MSL1: variants seen among roughly 807,000 people sequenced by gnomAD.
MSL1 encodes the protein MSL complex subunit 1.
In MSL1, 21 loss-of-function variants were observed where a neutral mutation model predicts 64.6. The ratio of observed to expected loss-of-function variants is 0.33; its 90% CI spans 0.23 to 0.47. The LOEUF (loss-of-function observed/expected upper bound fraction) is 0.47. Among genes scored for constraint, MSL1 ranks in the 20% least tolerant of loss-of-function variants. MSL1 has a pLI of 1.00. For missense variants in MSL1, 664 were observed against 793.2 expected, an observed-to-expected ratio of 0.84 and a Z score of 1.96; for synonymous variants, 339 against 329.6, an observed-to-expected ratio of 1.03 and a Z score of -0.31.
In MSL1 at chr17:40,123,175, C is replaced by T; in HGVS notation, c.563C>T (p.Thr188Ile). 2 of 1,535,016 alleles carry T rather than the reference C, an allele frequency of 1.3e-6. No homozygotes were observed. Among genetic ancestry groups the T allele is most frequent in the Non-Finnish European group, 1.7e-6 (2 of 1,146,542 alleles). ...PGPPPLAPTA[T>I]AGTLAASEGR... ...CCGCCACCCCTCGCGCCCACCGCCACCGCCGGGACCCTGGCGGCCAGCGAG... is the reference window on the plus strand; with the variant it reads ...CCGCCACCCCTCGCGCCCACCGCCATCGCCGGGACCCTGGCGGCCAGCGAG... The change falls in exon 1 of 9, where the codon ACC (threonine) becomes ATC (isoleucine). Residue 188 changes from threonine (T) to isoleucine (I), a missense_variant. Physicochemically the swap from Thr to Ile is moderately conservative, Grantham distance 89. Transcript: ENST00000398532.
At position 40,134,462 on chromosome 17, in the gene MSL1, T is replaced by A; in HGVS notation, c.*93T>A. On this transcript the variant is annotated 3_prime_UTR_variant, in exon 9 of 9. Transcript: ENST00000398532. Reference sequence around the variant, plus strand: ...TATATGTGACCTTTGTCCTCACATATGTTATCACTCGCTGATAATACCCTT... The same window carrying A: ...TATATGTGACCTTTGTCCTCACATAAGTTATCACTCGCTGATAATACCCTT... The A allele has an allele frequency of 1.0e-6, 1 of 1,002,462 alleles. No individual in the cohort carries two copies. The highest frequency in any genetic ancestry group is 1.4e-5 in the South Asian group (1 of 70,774). 62.1% of individuals were successfully genotyped at this position (1,002,462 alleles called of 1,614,324 possible).
In MSL1 at chr17:40,129,357, T is replaced by G; in HGVS notation, c.1105T>G (p.Cys369Gly). The G allele has an allele frequency of 2.5e-6, 4 of 1,613,342 alleles. No individual in the cohort carries two copies. Among genetic ancestry groups the G allele is most frequent in the Non-Finnish European group, 3.4e-6 (4 of 1,179,724 alleles). ...PKHSPIKEEP[C>G]GSLSETVCKR... ...GCACTCTCCTATTAAAGAGGAACCC[T>G]GTGGTTCCTTATCTGAAACTGTTTG... Residue 369 changes from cysteine to glycine, a missense_variant, in exon 3 of 9, where the codon TGT (cysteine) becomes GGT (glycine). This residue lies in a region of MSL1 where 466 missense variants were observed against 499.0 expected (regional missense o/e 0.93). Transcript: ENST00000398532.
In MSL1 at chr17:40,122,822, C is replaced by G. The variant is rs937569058; in HGVS notation, c.210C>G (p.Ser70=). The G allele has an allele frequency of 5.1e-6, 7 of 1,369,876 alleles. No individual in the cohort carries two copies. The highest frequency in any genetic ancestry group is 6.5e-6 in the Non-Finnish European group (7 of 1,070,290). 84.9% of individuals were successfully genotyped at this position (1,369,876 alleles called of 1,614,324 possible). A position where few individuals can be genotyped will look rare whatever the true frequency, so the allele number is the denominator to read the frequency against. ...ASSQGGSPAP[S]PAGCGGKGRG... is the part of the protein sequence containing the mutation. ...CCCAGGGCGGGAGCCCCGCGCCTTC[C>G]CCGGCCGGCTGCGGCGGCAAGGGCC... The change falls in exon 1 of 9, where the codon TCC becomes TCG. Residue 70 remains serine (S), a synonymous_variant. Transcript: ENST00000398532. This position sits in a 1 kb window ranked among gnomAD's most constrained non-coding sequence, Gnocchi z 4.2.
At chr17:40,128,369 C>CTTT (rs145183199) in intron 2 of MSL1, among the ~76,000 whole-genome samples, 42 of 112,698 alleles carry the variant, frequency 3.7e-4, no homozygotes, top group African/African-American at 4.6e-4. Flanking sequence ...CTTGAATATT[C>CTTT]TTTTTTTTTT....
chr17:40,132,197 A>AT, intron 5 of MSL1, 99 bp downstream of exon 5: 1 of 819,006 alleles, frequency 1.2e-6, no homozygotes, highest in Non-Finnish European at 1.9e-6. Flanking sequence ...GAATTAAATA[A>AT]TTTTAAGGCC....
Position 40,135,413 on chromosome 17 carries a change from G to A in MSL1, c.*1044G>A, listed in dbSNP as rs891342253. 3.9e-5 allele frequency: 6 copies of A among 152,338 alleles called. No individual in the cohort carries two copies. The highest frequency in any genetic ancestry group is 1.2e-4 in the African/African-American group (5 of 41,536). 9.4% of individuals were successfully genotyped at this position (152,338 alleles called of 1,614,324 possible). On this transcript the variant is annotated 3_prime_UTR_variant, in exon 9 of 9. Transcript: ENST00000398532. The stretch of plus-strand genomic sequence containing the variant: ...TTAAAATATCAGGATAGCACTCCCA[G>A]GCCACTTTGGTCTCAGTGTAAGATC...
rs1988227931 is a variant in MSL1, at chr17:40,123,109, C to T, written c.497C>T (p.Ala166Val). 1.3e-6 allele frequency: 2 copies of T among 1,530,868 alleles called. No individual in the cohort carries two copies. The highest frequency in any genetic ancestry group is 8.7e-7 in the Non-Finnish European group (1 of 1,144,718). 94.8% of individuals were successfully genotyped at this position (1,530,868 alleles called of 1,614,324 possible). A position where few individuals can be genotyped will look rare whatever the true frequency, so the allele number is the denominator to read the frequency against. The change falls in exon 1 of 9, where the codon GCC (alanine) becomes GTC (valine). Residue 166 changes from alanine to valine, a missense_variant. Ala to Val is a moderately conservative substitution (Grantham distance 64). This residue lies in a region of MSL1 where 466 missense variants were observed against 499.0 expected (regional missense o/e 0.93). Coordinates refer to ENST00000398532, the MANE Select transcript of MSL1 (RefSeq NM_001365919.1). ...GGGGCGGCCTCCCCCGCTGCCACCG[C>T]CTCGGACCCGGCGGGACCCCCACCA... ...KGGAASPAAT[A>V]SDPAGPPPLP...
Position 40,131,603 on chromosome 17 carries a change from G to C in MSL1, c.1423+19G>C, listed in dbSNP as rs770731464. Reference sequence around the variant, plus strand: ...TTGGCTGGTGAGTAGAATAGGAATTGTGCTGGCTGGGCCTGGGGTGGGGGT... The same window carrying C: ...TTGGCTGGTGAGTAGAATAGGAATTCTGCTGGCTGGGCCTGGGGTGGGGGT... On this transcript the variant is annotated intron_variant, in intron 4 of 8. Transcript: ENST00000398532. This position sits in a 1 kb window ranked among gnomAD's most constrained non-coding sequence, Gnocchi z 4.5. 6.2e-7 allele frequency: 1 copy of C among 1,613,134 alleles called. No individual in the cohort carries two copies. The highest frequency in any genetic ancestry group is 1.1e-5 in the South Asian group (1 of 91,056).
Position 40,123,062 on chromosome 17 carries a change from G to A in MSL1, c.450G>A (p.Thr150=). 6.5e-7 allele frequency: 1 copy of A among 1,532,198 alleles called. No homozygotes were observed. Among genetic ancestry groups the A allele is most frequent in the Non-Finnish European group, 8.7e-7 (1 of 1,145,390 alleles). The allele number at this position is 1,532,198 out of a possible 1,614,324, so 94.9% of individuals were successfully genotyped here. A position where few individuals can be genotyped will look rare whatever the true frequency, so the allele number is the denominator to read the frequency against. ...GSLVAAAKEP[T]PWAGDKGGAA... ...TCGTGGCGGCGGCCAAAGAGCCTAC[G>A]CCCTGGGCTGGGGACAAGGGTGGGG... Residue 150 remains threonine (T), a synonymous_variant, in exon 1 of 9, where the codon ACG becomes ACA. Transcript: ENST00000398532.
intron 8 of MSL1, 69 bp downstream of exon 8, chr17:40,133,968 A>T: frequency 2.1e-6 from 3 of 1,415,890 alleles, no homozygotes; most frequent in Non-Finnish European, 3.0e-6. Flanking sequence ...ATGGAAGCCT[A>T]GATATGAGGT....
chr17:40,125,539 G>A (rs948261679), intron 1 of MSL1, among the ~76,000 whole-genome samples: 6 of 152,190 alleles, frequency 3.9e-5, no homozygotes, highest in African/African-American at 7.2e-5. Flanking sequence ...TAGGCTGGGC[G>A]CGGTGGCTCA....
intron 2 of MSL1, among the ~76,000 whole-genome samples, chr17:40,128,369 C>CTTTT (rs145183199): frequency 2.0e-4 from 23 of 112,690 alleles, no homozygotes; most frequent in African/African-American, 3.5e-4. Context: ...CTTGAATATT[C>CTTTT]TTTTTTTTTT....
intron 6 of MSL1, 81 bp downstream of exon 6, chr17:40,133,190 T>C (rs1988474649): frequency 7.7e-7 from 1 of 1,293,472 alleles, no homozygotes; most frequent in Non-Finnish European, 1.1e-6. Context: ...ACCTCCCTTT[T>C]TCATGCTGTG....
In MSL1 at chr17:40,122,655, G is replaced by C. The variant is rs1379760811; in HGVS notation, c.43G>C (p.Ala15Pro). ...GGTGTTCAAGGCGGCCGCGGCCCCT[G>C]CCGGCGGCAATCCTGAGCAGCGACT... ...SAVFKAAAAP[A>P]GGNPEQRLDY... is the part of the protein sequence containing the mutation. The change falls in exon 1 of 9, where the codon GCC becomes CCC. Residue 15 changes from alanine (A) to proline (P), a missense_variant. Physicochemically the swap from Ala to Pro is conservative, Grantham distance 27. This residue lies in a region of MSL1 where 466 missense variants were observed against 499.0 expected (regional missense o/e 0.93). Transcript: ENST00000398532. This position sits in a 1 kb window ranked among gnomAD's most constrained non-coding sequence, Gnocchi z 4.2. The C allele has an allele frequency of 6.7e-7, 1 of 1,492,662 alleles. No homozygotes were observed. Among genetic ancestry groups the C allele is most frequent in the South Asian group, 1.3e-5 (1 of 79,836 alleles). The allele number at this position is 1,492,662 out of a possible 1,614,324, so 92.5% of individuals were successfully genotyped here.
intron 8 of MSL1, 144 bp downstream of exon 8, chr17:40,134,043 C>T: frequency 1.3e-6 from 1 of 763,890 alleles, no homozygotes; most frequent in Non-Finnish European, 2.2e-6. Context: ...GGGCAACTAG[C>T]TTTTGTAATA....
rs927272793 is a variant in MSL1 at position 40,135,336 on chromosome 17, T to G, written c.*967T>G. The G allele has an allele frequency of 5.3e-5, 8 of 152,304 alleles. No homozygotes were observed. The highest frequency in any genetic ancestry group is 1.9e-4 in the African/African-American group (8 of 41,434). The allele number at this position is 152,304 out of a possible 1,614,324, so 9.4% of individuals were successfully genotyped here. On this transcript the variant is annotated 3_prime_UTR_variant, in exon 9 of 9. Coordinates refer to ENST00000398532, the MANE Select transcript of MSL1 (RefSeq NM_001365919.1). ...ACCTAATGAGCTTCTCCATTCACTT[T>G]GTAAAAATAATTTGTATGTGTACCA...
rs1362490568 is a variant in MSL1, at chr17:40,122,142, C to T, written c.-471C>T. Among the ~76,000 whole-genome samples the T allele has an allele frequency of 6.7e-6, 1 of 150,160 alleles. No individual in the cohort carries two copies. The highest frequency in any genetic ancestry group is 2.0e-4 in the East Asian group (1 of 5,060). The stretch of plus-strand genomic sequence containing the variant: ...TCTCCCGGAGTAGGAGGGCTTTGGG[C>T]GGACCCAGCCCTCCACCCCCTCCTG... On this transcript the variant is annotated 5_prime_UTR_variant, in exon 1 of 9. Coordinates refer to ENST00000398532, the MANE Select transcript of MSL1 (RefSeq NM_001365919.1). The surrounding 1 kb of genome is among the most constrained non-coding windows in gnomAD (Gnocchi z 4.2).
At position 40,123,040 on chromosome 17, in the gene MSL1, T is replaced by G. The variant is rs1478516363; in HGVS notation, c.428T>G (p.Val143Gly). The G allele has an allele frequency of 9.8e-6, 15 of 1,531,882 alleles. No homozygotes were observed. Among genetic ancestry groups the G allele is most frequent in the Admixed American group, 2.0e-5 (1 of 50,768 alleles). The allele number at this position is 1,531,882 out of a possible 1,614,324, so 94.9% of individuals were successfully genotyped here. A position where few individuals can be genotyped will look rare whatever the true frequency, so the allele number is the denominator to read the frequency against. ...AVLPIQTGSLVAAAKEPTPWA... is the reference protein window; with the variant it reads ...AVLPIQTGSLGAAAKEPTPWA... ...CTGCCCATTCAGACGGGCTCTCTCG[T>G]GGCGGCGGCCAAAGAGCCTACGCCC... The change falls in exon 1 of 9, where the codon GTG (valine) becomes GGG (glycine). Residue 143 changes from valine to glycine, a missense_variant. Coordinates refer to ENST00000398532, the MANE Select transcript of MSL1 (RefSeq NM_001365919.1).
At position 40,123,061 on chromosome 17, in the gene MSL1, C is replaced by T. The variant is rs1048833841; in HGVS notation, c.449C>T (p.Thr150Met). The T allele has an allele frequency of 2.0e-6, 3 of 1,531,876 alleles. No homozygotes were observed. The highest frequency in any genetic ancestry group is 2.6e-6 in the Non-Finnish European group (3 of 1,145,268). The allele number at this position is 1,531,876 out of a possible 1,614,324, so 94.9% of individuals were successfully genotyped here. A position where few individuals can be genotyped will look rare whatever the true frequency, so the allele number is the denominator to read the frequency against. ...CTCGTGGCGGCGGCCAAAGAGCCTA[C>T]GCCCTGGGCTGGGGACAAGGGTGGG... Reference protein sequence around the residue: ...GSLVAAAKEPTPWAGDKGGAA... With the variant: ...GSLVAAAKEPMPWAGDKGGAA... The change falls in exon 1 of 9, where the codon ACG (threonine) becomes ATG (methionine). Residue 150 changes from threonine (T) to methionine (M), a missense_variant. Transcript: ENST00000398532.
Sources: allele counts gnomAD v4.1 joint callset (sites outside exome capture counted in the v4.1 genomes callset), GRCh38; gene constraint gnomAD v4.1.1; regional missense constraint gnomAD v4.1.1; non-coding constraint Gnocchi (gnomAD v3.1); transcripts MANE v1.5; gene names NCBI Gene and HGNC (gene_info 2026-07-23, HGNC 2026-07-21).